The following LTBP1 variants were observed in gnomAD, a reference collection of about 807,000 sequenced individuals.
LTBP1 encodes the protein latent-transforming growth factor beta-binding protein 1.
In LTBP1, 129 loss-of-function variants were observed where a neutral mutation model predicts 207.6. The observed-to-expected ratio is 0.62, with a 90% CI of 0.54 to 0.72. The LOEUF is 0.72. Ranked by LOEUF, LTBP1 falls within the 30% of genes least tolerant of loss-of-function variation. The pLI, the probability that LTBP1 is intolerant of heterozygous loss-of-function variation, is 0.00. For missense variants in LTBP1, 2,281 were observed against 2,217.2 expected (o/e 1.03, Z -0.58); for synonymous variants, 963 against 833.7 (o/e 1.16, Z -2.67).
Position 33,364,212 on chromosome 2 carries a change from TAAGA to T in LTBP1, c.4400-3_4400del, listed in dbSNP as rs1347914866. ...CTTTAGTAATACTTTTTTTTGCTCTTAAGATATGGATGAATGTCAAGACCCCAGT... is the reference window on the plus strand; with the variant it reads ...CTTTAGTAATACTTTTTTTTGCTCTTTATGGATGAATGTCAAGACCCCAGT... On this transcript the variant is annotated splice_acceptor_variant and splice_polypyrimidine_tract_variant and coding_sequence_variant and intron_variant, in exon 30 of 34. Coordinates refer to ENST00000404816, the MANE Select transcript of LTBP1 (RefSeq NM_206943.4). LOFTEE classifies it high-confidence loss of function. 3 of 1,611,936 alleles carry T rather than the reference TAAGA, an allele frequency of 1.9e-6. No individual in the cohort carries two copies. Among genetic ancestry groups the T allele is most frequent in the East Asian group, 2.2e-5 (1 of 44,866 alleles).
At chr2:33,119,720 G>T (rs1332629028) in intron 4 of LTBP1, among the ~76,000 whole-genome samples, 1 of 152,058 alleles carries the variant, frequency 6.6e-6, no homozygotes, top group Admixed American at 6.6e-5. Context: ...ACCACGCCTG[G>T]CTAATTTTTT....
chr2:33,305,419 G>C (rs2094072760), intron 22 of LTBP1, among the ~76,000 whole-genome samples: 2 of 147,666 alleles, frequency 1.4e-5, no homozygotes, highest in Admixed American at 6.7e-5. Flanking sequence ...GGGGAGTGTT[G>C]AGGAAGGGTG....
Position 33,300,526 on chromosome 2 carries a change from C to T in LTBP1, c.3311C>T (p.Thr1104Ile), listed in dbSNP as rs1370141633. 2.5e-6 allele frequency: 4 copies of T among 1,613,768 alleles called. No individual in the cohort carries two copies. Among genetic ancestry groups the T allele is most frequent in the Non-Finnish European group, 3.4e-6 (4 of 1,179,788 alleles). The change falls in exon 21 of 34, where the codon ACC (threonine) becomes ATC (isoleucine). Residue 1104 changes from threonine (T) to isoleucine (I), a missense_variant. Around this residue, in one of 3 missense-constraint regions of LTBP1, gnomAD observed 1,671 missense variants for 1,634.8 expected, o/e 1.02. Transcript: ENST00000404816. ...AATACCGAGGGCTCCTTCAGGTGCA[C>T]CTGTGGACAGGGGTACCAGCTGTCG... is the stretch of plus-strand genomic sequence containing the variant. ...CKNTEGSFRC[T>I]CGQGYQLSAA...
intron 3 of LTBP1, among the ~76,000 whole-genome samples, chr2:33,053,202 G>T (rs947403649): frequency 1.3e-5 from 2 of 152,120 alleles, no homozygotes; most frequent in Non-Finnish European, 2.9e-5. Flanking sequence ...GGCAGTTTTA[G>T]GTTCACAGCA....
At chr2:33,041,635 T>C (rs920469086) in intron 3 of LTBP1, among the ~76,000 whole-genome samples, 3 of 152,240 alleles carry the variant, frequency 2.0e-5, no homozygotes, top group African/African-American at 7.2e-5. Flanking sequence ...GAGCACATGA[T>C]AAATAGCATT....
intron 26 of LTBP1, among the ~76,000 whole-genome samples, chr2:33,348,416 A>G (rs896697635): frequency 6.6e-6 from 1 of 152,228 alleles, no homozygotes; most frequent in Non-Finnish European, 1.5e-5. Flanking sequence ...CTATAATTCA[A>G]AAACCTTGTG....
chr2:33,231,184 G>A (rs2091765489), intron 9 of LTBP1, among the ~76,000 whole-genome samples: 1 of 152,198 alleles, frequency 6.6e-6, no homozygotes. Flanking sequence ...CGAACTAGCT[G>A]AATTTTAGCT....
intron 3 of LTBP1, among the ~76,000 whole-genome samples, chr2:33,103,889 C>A (rs2079901989): frequency 6.6e-6 from 1 of 151,992 alleles, no homozygotes; most frequent in East Asian, 1.9e-4. Flanking sequence ...TGAAGGTGAC[C>A]CCTGCACTTT....
intron 24 of LTBP1, among the ~76,000 whole-genome samples, chr2:33,329,390 A>T (rs1340841800): frequency 6.6e-6 from 1 of 152,102 alleles, no homozygotes; most frequent in East Asian, 1.9e-4. Flanking sequence ...GGTGAACTCA[A>T]GTTGTTAATT....
At chr2:33,161,987 G>A (rs1176298246) in intron 5 of LTBP1, among the ~76,000 whole-genome samples, 2 of 152,222 alleles carry the variant, frequency 1.3e-5, no homozygotes, top group East Asian at 1.9e-4. Context: ...AGCATTTTGT[G>A]ATAGCTTCAC....
At chr2:33,329,837 G>C (rs1027430600) in intron 24 of LTBP1, among the ~76,000 whole-genome samples, 1 of 151,920 alleles carries the variant, frequency 6.6e-6, no homozygotes, top group Non-Finnish European at 1.5e-5. Context: ...CTTCAATTCT[G>C]TTCTTGAGAT....
intron 3 of LTBP1, among the ~76,000 whole-genome samples, chr2:33,045,476 C>G (rs1279518504): frequency 1.3e-5 from 2 of 152,116 alleles, no homozygotes; most frequent in East Asian, 3.8e-4. Context: ...GTCTGTATGT[C>G]TGTTTTGGTA....
intron 3 of LTBP1, among the ~76,000 whole-genome samples, chr2:33,041,464 A>G (rs1348630386): frequency 6.6e-6 from 1 of 151,824 alleles, no homozygotes; most frequent in Non-Finnish European, 1.5e-5. Context: ...TTTGTATTTC[A>G]GTAGAGATAG....
chr2:33,262,097 C>T (rs940635420), intron 13 of LTBP1, among the ~76,000 whole-genome samples: 3 of 152,142 alleles, frequency 2.0e-5, no homozygotes, highest in Admixed American at 6.5e-5. Context: ...AGGGGACAAG[C>T]GTGGGCACCA....
At chr2:33,390,714 A>G (rs1275625749) in intron 32 of LTBP1, among the ~76,000 whole-genome samples, 2 of 151,820 alleles carry the variant, frequency 1.3e-5, no homozygotes, top group Non-Finnish European at 2.9e-5. Context: ...CTGGTCTCGA[A>G]CTCCTGGACT....
intron 24 of LTBP1, among the ~76,000 whole-genome samples, chr2:33,326,093 G>C (rs1454292189): frequency 2.0e-5 from 3 of 150,946 alleles, no homozygotes; most frequent in African/African-American, 7.3e-5. Flanking sequence ...AAAAAAAACA[G>C]TGTTTTGTGT....
intron 2 of LTBP1, among the ~76,000 whole-genome samples, chr2:33,002,956 G>A (rs892530513): frequency 6.6e-6 from 1 of 152,160 alleles, no homozygotes; most frequent in African/African-American, 2.4e-5. Flanking sequence ...GGGATTACAG[G>A]CGTAAGCGAC....
At chr2:33,129,458 T>C (rs1224723369) in intron 4 of LTBP1, among the ~76,000 whole-genome samples, 6 of 152,212 alleles carry the variant, frequency 3.9e-5, no homozygotes, top group African/African-American at 7.2e-5. Context: ...AAAAATTAAA[T>C]ATCTTACACA....
intron 24 of LTBP1, among the ~76,000 whole-genome samples, chr2:33,338,979 G>A (rs371855727): frequency 2.6e-5 from 4 of 152,164 alleles, no homozygotes; most frequent in African/African-American, 7.2e-5. Context: ...CTGAGCAAGG[G>A]AATGGTACTG....
Sources: gnomAD v4.1 joint callset for allele counts (sites outside exome capture counted in the v4.1 genomes callset) on GRCh38, gnomAD v4.1.1 for gene constraint, gnomAD v4.1.1 regional missense constraint, MANE v1.5 for transcripts, NCBI Gene and HGNC (gene_info 2026-07-23, HGNC 2026-07-21) for gene names.